TACR1: variants seen among roughly 807,000 people sequenced by gnomAD.
The protein encoded by TACR1 is substance-P receptor.
TACR1 carries 25 observed loss-of-function variants against 35.8 expected under a neutral mutation model. The ratio of observed to expected loss-of-function variants is 0.70; its 90% CI spans 0.51 to 0.98. TACR1 has a LOEUF of 0.98. TACR1 is among the 50% of genes least tolerant of loss of function. TACR1 has a pLI of 0.00. For synonymous variants in TACR1, 195 were observed against 206.7 expected (o/e 0.94, Z 0.48); for missense variants, 478 against 522.9 (o/e 0.91, Z 0.84).
chr2:75,049,960 C>T (rs771964600), intron 4 of TACR1, among the ~76,000 whole-genome samples: 31 of 152,142 alleles, frequency 2.0e-4, no homozygotes, highest in East Asian at 3.9e-4. Flanking sequence ...ATGTGAAATA[C>T]GTCTTTACTG....
intron 3 of TACR1, among the ~76,000 whole-genome samples, chr2:75,052,629 G>A (rs901574188): frequency 2.0e-5 from 3 of 152,062 alleles, no homozygotes; most frequent in African/African-American, 7.2e-5. Flanking sequence ...AGTGAAATAA[G>A]TGAGAACAGT....
intron 2 of TACR1, chr2:75,119,049 A>G (rs961057490): frequency 6.6e-6 from 1 of 152,214 alleles, no homozygotes; most frequent in Middle Eastern, 3.2e-3. Context: ...AGCTTTATGT[A>G]TTGCTTTCTG....
At chr2:75,188,096 C>T (rs1236303083) in intron 1 of TACR1, 2 of 151,460 alleles carry the variant, frequency 1.3e-5, no homozygotes, top group East Asian at 1.9e-4. Context: ...TGAGCTAACT[C>T]GTATTTCAAG....
At chr2:75,125,293 C>T (rs1674051369) in intron 1 of TACR1, among the ~76,000 whole-genome samples, 1 of 152,074 alleles carries the variant, frequency 6.6e-6, no homozygotes, top group Admixed American at 6.5e-5. Flanking sequence ...CAGCAATTCT[C>T]ATGCCTCAGT....
At chr2:75,173,514 G>A (rs1675341332) in intron 1 of TACR1, among the ~76,000 whole-genome samples, 1 of 152,094 alleles carries the variant, frequency 6.6e-6, no homozygotes, top group South Asian at 2.1e-4. Context: ...AAGGAAGTTG[G>A]CTTTTGGTCT....
At position 75,078,222 on chromosome 2, in the gene TACR1, T is replaced by C. The variant is rs148645966; in HGVS notation, c.585-24467A>G. ...TACTTAGCTGAATTATGAGCCTAGT[T>C]CAGTGCCCCCATTCAGATTCTATTT... On this transcript the variant is annotated intron_variant, in intron 2 of 4. Transcript: ENST00000305249. Among the ~76,000 whole-genome samples, 1,291 of 152,232 alleles carry C rather than the reference T, an allele frequency of 8.5e-3. 13 individuals are homozygous for C. Among genetic ancestry groups the C allele is most frequent in the Non-Finnish European group, 0.013 (855 of 68,016 alleles).
chr2:75,132,139 G>GT (rs1297434003), intron 1 of TACR1, among the ~76,000 whole-genome samples: 1 of 152,046 alleles, frequency 6.6e-6, no homozygotes, highest in Non-Finnish European at 1.5e-5. Context: ...TGGATTTCTT[G>GT]TTTTTTAGTA....
At chr2:75,192,075 C>A (rs745728105) in intron 1 of TACR1, among the ~76,000 whole-genome samples, 5 of 152,012 alleles carry the variant, frequency 3.3e-5, no homozygotes, top group Non-Finnish European at 5.9e-5. Context: ...TGAGCTAAGT[C>A]AAAGAGGACA....
intron 1 of TACR1, among the ~76,000 whole-genome samples, chr2:75,181,364 C>A (rs1675554601): frequency 6.6e-6 from 1 of 151,988 alleles, no homozygotes; most frequent in Non-Finnish European, 1.5e-5. Context: ...GAAATATAAT[C>A]TGAGCAGGTT....
intron 2 of TACR1, among the ~76,000 whole-genome samples, chr2:75,101,414 C>T (rs1673531313): frequency 6.6e-6 from 1 of 152,164 alleles, no homozygotes; most frequent in Middle Eastern, 3.4e-3. Context: ...GTTTTATATA[C>T]AATATTTTAT....
At chr2:75,197,454 A>G (rs1244173634) in intron 1 of TACR1, among the ~76,000 whole-genome samples, 1 of 152,198 alleles carries the variant, frequency 6.6e-6, no homozygotes, top group Non-Finnish European at 1.5e-5. Context: ...AAAAGACTCC[A>G]TTTTAAAATC....
intron 3 of TACR1, among the ~76,000 whole-genome samples, chr2:75,052,456 T>A (rs573686199): frequency 2.0e-5 from 3 of 152,118 alleles, no homozygotes; most frequent in Non-Finnish European, 4.4e-5. Flanking sequence ...CCATGCGATG[T>A]AACCCCTTCC....
At chr2:75,082,356 G>C (rs972209273) in intron 2 of TACR1, among the ~76,000 whole-genome samples, 15 of 152,114 alleles carry the variant, frequency 9.9e-5, no homozygotes, top group Non-Finnish European at 1.5e-5. Flanking sequence ...CCAAGTCTTT[G>C]CTATTGTGAG....
chr2:75,181,326 T>C (rs1675553511), intron 1 of TACR1, among the ~76,000 whole-genome samples: 1 of 151,696 alleles, frequency 6.6e-6, no homozygotes, highest in South Asian at 2.1e-4. Context: ...TAAAAACATC[T>C]AGAAAATAAT....
intron 1 of TACR1, among the ~76,000 whole-genome samples, chr2:75,132,513 GA>G (rs2103931894): frequency 6.6e-6 from 1 of 152,140 alleles, no homozygotes; most frequent in South Asian, 2.1e-4. Context: ...CATATTGTCA[GA>G]CTTCTTTTTA....
chr2:75,176,331 T>G (rs1675419143), intron 1 of TACR1, among the ~76,000 whole-genome samples: 1 of 152,092 alleles, frequency 6.6e-6, no homozygotes, highest in Admixed American at 6.6e-5. Flanking sequence ...ATACATTTTT[T>G]TTTTTTTAAG....
chr2:75,129,185 G>A (rs1674134538), intron 1 of TACR1, among the ~76,000 whole-genome samples: 1 of 152,148 alleles, frequency 6.6e-6, no homozygotes, highest in Admixed American at 6.5e-5. Flanking sequence ...TGATTTTAGT[G>A]GAAACTCAAT....
intron 2 of TACR1, among the ~76,000 whole-genome samples, chr2:75,094,047 G>A (rs960742734): frequency 2.0e-5 from 3 of 152,096 alleles, no homozygotes; most frequent in Admixed American, 6.6e-5. Flanking sequence ...CTGACACCAC[G>A]TTTTCGTAGT....
chr2:75,062,921 A>T (rs1672697307), intron 2 of TACR1, among the ~76,000 whole-genome samples: 2 of 152,248 alleles, frequency 1.3e-5, no homozygotes, highest in South Asian at 4.1e-4. Flanking sequence ...TGATAAAGAC[A>T]TACCTGAGAC....
Sources: allele counts gnomAD v4.1 joint callset (sites outside exome capture counted in the v4.1 genomes callset), GRCh38; gene constraint gnomAD v4.1.1; transcripts MANE v1.5; gene names NCBI Gene and HGNC (gene_info 2026-07-23, HGNC 2026-07-21).